The following ANOS1 variants were observed in gnomAD, a reference collection of about 807,000 sequenced individuals.
ANOS1 encodes the protein anosmin-1.
ANOS1 carries 6 observed loss-of-function variants against 59.0 expected under a neutral mutation model. That is an observed-to-expected ratio of 0.10 (90% CI 0.06 to 0.20). The LOEUF (loss-of-function observed/expected upper bound fraction) is 0.20. Among genes scored for constraint, ANOS1 ranks in the 10% least tolerant of loss-of-function variants. The probability of loss-of-function intolerance (pLI) is 1.00; values close to 1 mark genes in which losing one functional copy is unlikely to be tolerated. For missense variants in ANOS1, 433 were observed against 542.3 expected (o/e 0.80, Z 2.00); for synonymous variants, 217 against 223.4 (o/e 0.97, Z 0.25).
intron 2 of ANOS1, among the ~76,000 whole-genome samples, chrX:8,685,229 T>C (rs1398635512): frequency 1.8e-5 from 2 of 111,213 alleles, no homozygotes; most frequent in African/African-American, 3.3e-5. Context: ...CACAGGAATA[T>C]ACACATTGAC....
At chrX:8,552,154 C>T (rs1412687455) in intron 9 of ANOS1, among the ~76,000 whole-genome samples, 1 of 112,374 alleles carries the variant, frequency 8.9e-6, no homozygotes, top group East Asian at 2.8e-4. Flanking sequence ...TGAGGTATCA[C>T]TATGAACATA....
At chrX:8,581,202 T>C (rs1487575643) in intron 6 of ANOS1, among the ~76,000 whole-genome samples, 1 of 111,135 alleles carries the variant, frequency 9.0e-6, no homozygotes, top group African/African-American at 3.3e-5. Flanking sequence ...AATTGAATCA[T>C]GGGGGCAGGT....
At chrX:8,630,793 G>A (rs757592915) in intron 2 of ANOS1, among the ~76,000 whole-genome samples, 5 of 112,817 alleles carry the variant, frequency 4.4e-5, no homozygotes, top group Non-Finnish European at 5.6e-5. Flanking sequence ...AGATGGATTA[G>A]AGAGGTGAGA....
At chrX:8,704,798 G>T (rs778732567) in intron 1 of ANOS1, among the ~76,000 whole-genome samples, 2 of 111,552 alleles carry the variant, frequency 1.8e-5, no homozygotes, top group South Asian at 3.8e-4. Context: ...TGTTATTATT[G>T]ATGTGATTTT....
At chrX:8,614,853 C>T (rs1341942726) in intron 3 of ANOS1, among the ~76,000 whole-genome samples, 1 of 47,736 alleles carries the variant, frequency 2.1e-5, no homozygotes, top group Admixed American at 2.1e-4. Flanking sequence ...TTGATACTCC[C>T]CCGAGTAATA....
intron 2 of ANOS1, among the ~76,000 whole-genome samples, chrX:8,694,523 G>T (rs1330831241): frequency 1.8e-5 from 2 of 111,731 alleles, no homozygotes; most frequent in Admixed American, 9.5e-5. Flanking sequence ...ACAAAAATTA[G>T]CCAGGCATGG....
intron 2 of ANOS1, among the ~76,000 whole-genome samples, chrX:8,624,940 T>C (rs1931366180): frequency 9.1e-6 from 1 of 109,512 alleles, no homozygotes. Context: ...AAACCCCGTC[T>C]CTACCAAAAA....
chrX:8,578,337 G>A (rs1930365582), intron 6 of ANOS1, among the ~76,000 whole-genome samples: 1 of 105,241 alleles, frequency 9.5e-6, no homozygotes, highest in African/African-American at 3.5e-5. Flanking sequence ...AAAAAACTTA[G>A]CAAAGCTGCT....
intron 6 of ANOS1, among the ~76,000 whole-genome samples, chrX:8,577,343 C>G (rs943345541): frequency 3.6e-5 from 4 of 111,670 alleles, no homozygotes; most frequent in Non-Finnish European, 7.5e-5. Flanking sequence ...AGGCACACCA[C>G]AAGACCAGTG....
chrX:8,531,607 ACT>A lies in ANOS1; in HGVS notation c.*1386_*1387del, dbSNP rs771630734. 2 of 111,548 alleles carry A rather than the reference ACT, an allele frequency of 1.8e-5. No individual in the cohort carries two copies. Among genetic ancestry groups the A allele is most frequent in the Non-Finnish European group, 3.8e-5 (2 of 53,077 alleles). 9.2% of individuals were successfully genotyped at this position (111,548 alleles called of 1,213,427 possible). ...TGACCTTTAAAAGAGCTGTATCTTT[ACT>A]CACCATTGGTGAGCTACGAAAACGA... On this transcript the variant is annotated 3_prime_UTR_variant, in exon 14 of 14. Coordinates refer to ENST00000262648, the MANE Select transcript of ANOS1 (RefSeq NM_000216.4).
intron 2 of ANOS1, among the ~76,000 whole-genome samples, chrX:8,687,959 T>C (rs1237745913): frequency 8.9e-6 from 1 of 112,111 alleles, no homozygotes. Flanking sequence ...AATGAAAAGT[T>C]TCCAAAGTAG....
intron 1 of ANOS1, among the ~76,000 whole-genome samples, chrX:8,728,956 C>G (rs1371606388): frequency 8.9e-6 from 1 of 111,924 alleles, no homozygotes; most frequent in African/African-American, 3.3e-5. Flanking sequence ...CTACCCACTG[C>G]TTTTCTGTCT....
At chrX:8,718,998 G>A (rs918198869) in intron 1 of ANOS1, among the ~76,000 whole-genome samples, 5 of 112,123 alleles carry the variant, frequency 4.5e-5, no homozygotes, top group African/African-American at 1.6e-4. Context: ...CGTTATGATT[G>A]TAAAGGATCT....
intron 8 of ANOS1, among the ~76,000 whole-genome samples, chrX:8,556,436 C>A (rs1929950883): frequency 8.9e-6 from 1 of 112,021 alleles, no homozygotes; most frequent in South Asian, 3.7e-4. Flanking sequence ...AAAACCCTAT[C>A]ATCTCAGCCC....
At chrX:8,686,688 C>G (rs181298157) in intron 2 of ANOS1, among the ~76,000 whole-genome samples, 147 of 112,144 alleles carry the variant, frequency 1.3e-3, no homozygotes, top group African/African-American at 4.4e-3. Flanking sequence ...CATGGTGGCT[C>G]AGGCCTGTAA....
intron 5 of ANOS1, among the ~76,000 whole-genome samples, chrX:8,587,138 G>C (rs1039021768): frequency 9.1e-5 from 10 of 110,105 alleles, no homozygotes; most frequent in African/African-American, 3.3e-4. Context: ...GTGTGTGGGG[G>C]GGTGGTTAGC....
In ANOS1 at chrX:8,656,733, G is replaced by A. The variant is rs150226431; in HGVS notation, c.256-33063C>T. Among the ~76,000 whole-genome samples, 446 of 111,236 alleles carry A rather than the reference G, an allele frequency of 4.0e-3. 1 individual carries two copies. The highest frequency in any genetic ancestry group is 9.3e-3 in the Middle Eastern group (2 of 215). ...GGCTCTTTGGAACACAGTTCTCAAC[G>A]CCATACATGACTTGAAAAGCTCAAC... On this transcript the variant is annotated intron_variant, in intron 2 of 13. Coordinates refer to ENST00000262648, the MANE Select transcript of ANOS1 (RefSeq NM_000216.4).
At chrX:8,554,706 C>T (rs188790292) in intron 8 of ANOS1, among the ~76,000 whole-genome samples, 1 of 108,767 alleles carries the variant, frequency 9.2e-6, no homozygotes, top group African/African-American at 3.3e-5. Context: ...GCCACCAATA[C>T]AGGAGCATCC....
At chrX:8,682,354 C>CCACACACA (rs757532758) in intron 2 of ANOS1, among the ~76,000 whole-genome samples, 9 of 101,622 alleles carry the variant, frequency 8.9e-5, no homozygotes, top group African/African-American at 3.3e-4. Context: ...GAGAATTTCA[C>CCACACACA]CACACACACA....
Sources: allele counts gnomAD v4.1 joint callset (sites outside exome capture counted in the v4.1 genomes callset), GRCh38; gene constraint gnomAD v4.1.1; transcripts MANE v1.5; gene names NCBI Gene and HGNC (gene_info 2026-07-23, HGNC 2026-07-21).